The following NARS2 variants were observed in gnomAD, a reference collection of about 807,000 sequenced individuals.
NARS2 encodes the protein asparaginyl-tRNA synthetase 2, mitochondrial, also known as asparaginyl-tRNA synthetase.
NARS2 carries 60 observed loss-of-function variants against 62.9 expected under a neutral mutation model. The observed-to-expected ratio is 0.95, with a 90% confidence interval of 0.77 to 1.18. NARS2 has a LOEUF of 1.18. NARS2 is among the 50% of genes most tolerant of loss of function. The probability of loss-of-function intolerance (pLI) is 0.00; values close to 1 mark genes in which losing one functional copy is unlikely to be tolerated. For missense variants in NARS2, 619 were observed against 576.4 expected, an observed-to-expected ratio of 1.07 and a Z score of -0.76; for synonymous variants, 196 against 200.0, an observed-to-expected ratio of 0.98 and a Z score of 0.17.
At chr11:78,467,551 A>C (rs1858671764) in intron 10 of NARS2, among the ~76,000 whole-genome samples, 1 of 150,994 alleles carries the variant, frequency 6.6e-6, no homozygotes, top group Admixed American at 6.6e-5. Flanking sequence ...AAAAATAAAT[A>C]AATAAATAAA....
intron 5 of NARS2, among the ~76,000 whole-genome samples, chr11:78,544,672 T>C (rs1390482329): frequency 3.3e-5 from 5 of 152,022 alleles, no homozygotes; most frequent in East Asian, 1.9e-4. Flanking sequence ...TGGGTGCCTG[T>C]AGTCCCAGCT....
chr11:78,512,974 G>A (rs1860771114), intron 6 of NARS2, among the ~76,000 whole-genome samples: 1 of 152,190 alleles, frequency 6.6e-6, no homozygotes, highest in Non-Finnish European at 1.5e-5. Context: ...ATTAGGCCGA[G>A]CACAGTGGCT....
chr11:78,523,784 CTTAA>C (rs1470462457), intron 6 of NARS2, among the ~76,000 whole-genome samples: 1 of 152,010 alleles, frequency 6.6e-6, no homozygotes, highest in Non-Finnish European at 1.5e-5. Flanking sequence ...AGAGAGAGAA[CTTAA>C]TTAGTGGTTG....
At chr11:78,518,513 C>A (rs1446100254) in intron 6 of NARS2, among the ~76,000 whole-genome samples, 2 of 151,902 alleles carry the variant, frequency 1.3e-5, no homozygotes, top group Non-Finnish European at 2.9e-5. Context: ...ATGTTAAAAA[C>A]AAACAATTTC....
intron 1 of NARS2, 136 bp downstream of exon 1, chr11:78,574,212 A>T: frequency 9.1e-7 from 1 of 1,093,362 alleles, no homozygotes; most frequent in African/African-American, 1.6e-5. Context: ...AAAAGTGCAA[A>T]CCCGCGACGC....
Position 78,574,607 on chromosome 11 carries a change from A to C in NARS2, c.-119T>G. On this transcript the variant is annotated 5_prime_UTR_variant, in exon 1 of 14. Coordinates refer to ENST00000281038, the MANE Select transcript of NARS2 (RefSeq NM_024678.6). ...CGCGGCCGCAGCTCTGCTCTAAGGC[A>C]CTCCAGAGCCCCTCGGCTGCGCGCT... 1 of 1,134,954 alleles carries C rather than the reference A, an allele frequency of 8.8e-7. No homozygotes were observed. Among genetic ancestry groups the C allele is most frequent in the Non-Finnish European group, 1.2e-6 (1 of 825,070 alleles). 70.3% of individuals were successfully genotyped at this position (1,134,954 alleles called of 1,614,324 possible). A position where few individuals can be genotyped will look rare whatever the true frequency, so the allele number is the denominator to read the frequency against.
At chr11:78,496,667 A>G (rs988852854) in intron 6 of NARS2, among the ~76,000 whole-genome samples, 2 of 152,290 alleles carry the variant, frequency 1.3e-5, no homozygotes, top group East Asian at 3.9e-4. Flanking sequence ...TTGGCATATT[A>G]TGAATAGCTT....
intron 7 of NARS2, among the ~76,000 whole-genome samples, chr11:78,487,568 C>T (rs1487166308): frequency 6.6e-6 from 1 of 151,774 alleles, no homozygotes. Context: ...CTGAAAACTC[C>T]CCCAAGTTGG....
At chr11:78,558,253 C>CT (rs944740187) in intron 5 of NARS2, 2 of 152,128 alleles carry the variant, frequency 1.3e-5, no homozygotes, top group African/African-American at 4.8e-5. Context: ...TTTTATTCTG[C>CT]TTTTTTGCAG....
chr11:78,567,495 A>T (rs1053833437), intron 3 of NARS2, among the ~76,000 whole-genome samples: 6 of 152,200 alleles, frequency 3.9e-5, no homozygotes, highest in African/African-American at 1.2e-4. Flanking sequence ...ACCACAGACA[A>T]GGTTGAACTA....
chr11:78,454,707 C>T (rs1006565345), intron 11 of NARS2, among the ~76,000 whole-genome samples: 4 of 151,912 alleles, frequency 2.6e-5, no homozygotes, highest in African/African-American at 7.2e-5. Flanking sequence ...CAACCTCCAC[C>T]TCCCGGGTTC....
intron 9 of NARS2, among the ~76,000 whole-genome samples, chr11:78,473,513 G>A (rs990807373): frequency 1.3e-5 from 2 of 152,156 alleles, no homozygotes; most frequent in Admixed American, 1.3e-4. Context: ...CAAACTTCAA[G>A]TTTGGTTTTA....
At chr11:78,466,605 C>CA (rs1348802597) in intron 10 of NARS2, among the ~76,000 whole-genome samples, 1 of 152,034 alleles carries the variant, frequency 6.6e-6, no homozygotes, top group Non-Finnish European at 1.5e-5. Context: ...CTCAGCCTCC[C>CA]AAGTAACTGG....
chr11:78,574,398 G>T lies in NARS2; in HGVS notation c.91C>A (p.Arg31=), dbSNP rs773682065. Reference sequence around the variant, plus strand: ...GCGTTCTGAGCCCCGAGAGCGTCCCGCACGCTCAGTTTGGCTGAAGGTTTG... The same window carrying T: ...GCGTTCTGAGCCCCGAGAGCGTCCCTCACGCTCAGTTTGGCTGAAGGTTTG... The part of the protein sequence containing the change: ...KHKPSAKLSV[R]DALGAQNASG... Residue 31 remains arginine, a synonymous_variant, in exon 1 of 14, where the codon CGG becomes AGG. Coordinates refer to ENST00000281038, the MANE Select transcript of NARS2 (RefSeq NM_024678.6). 3.1e-6 allele frequency: 5 copies of T among 1,614,050 alleles called. No individual in the cohort carries two copies. Among genetic ancestry groups the T allele is most frequent in the Non-Finnish European group, 3.4e-6 (4 of 1,180,040 alleles).
At chr11:78,511,725 A>G (rs935448406) in intron 6 of NARS2, among the ~76,000 whole-genome samples, 1 of 152,054 alleles carries the variant, frequency 6.6e-6, no homozygotes, top group Non-Finnish European at 1.5e-5. Flanking sequence ...TCCAAAGAAA[A>G]AAAAAAAAAG....
intron 6 of NARS2, among the ~76,000 whole-genome samples, chr11:78,500,687 C>A (rs550584557): frequency 6.6e-6 from 1 of 152,068 alleles, no homozygotes; most frequent in Admixed American, 6.5e-5. Context: ...TGTAAAGATC[C>A]CTTTACACTT....
intron 7 of NARS2, among the ~76,000 whole-genome samples, chr11:78,485,167 C>G (rs1034139477): frequency 6.6e-6 from 1 of 151,746 alleles, no homozygotes; most frequent in Admixed American, 6.6e-5. Flanking sequence ...TTTTCACTCA[C>G]AAGTGGGAGT....
intron 11 of NARS2, among the ~76,000 whole-genome samples, chr11:78,464,616 GAC>G (rs963533467): frequency 3.3e-5 from 5 of 152,102 alleles, no homozygotes; most frequent in Non-Finnish European, 7.4e-5. Context: ...CCCTGAGCTA[GAC>G]ACAGGGTGCT....
At chr11:78,456,135 T>C (rs1858155662) in intron 11 of NARS2, among the ~76,000 whole-genome samples, 2 of 152,182 alleles carry the variant, frequency 1.3e-5, no homozygotes, top group South Asian at 4.1e-4. Flanking sequence ...ATAATGAAGA[T>C]TCCTCGACAC....
Sources: gnomAD v4.1 joint callset for allele counts (sites outside exome capture counted in the v4.1 genomes callset) on GRCh38, gnomAD v4.1.1 for gene constraint, MANE v1.5 for transcripts, NCBI Gene and HGNC (gene_info 2026-07-23, HGNC 2026-07-21) for gene names.